Variants in DLG2 observed in about 807,000 individuals in gnomAD.
DLG2 encodes the protein disks large homolog 2.
In DLG2, 45 loss-of-function variants were observed where a neutral mutation model predicts 132.5. The observed-to-expected ratio is 0.34, with a 90% CI of 0.27 to 0.44. The LOEUF is 0.44. Ranked by LOEUF, DLG2 falls within the 20% of genes least tolerant of loss-of-function variation. The pLI is 1.00. For synonymous variants in DLG2, 424 were observed against 419.6 expected, an observed-to-expected ratio of 1.01 and a Z score of -0.13; for missense variants, 1,045 against 1,196.9, an observed-to-expected ratio of 0.87 and a Z score of 1.87.
chr11:83,599,988 G>A (rs2153368773), intron 19 of DLG2, among the ~76,000 whole-genome samples: 1 of 152,272 alleles, frequency 6.6e-6, no homozygotes, highest in East Asian at 1.9e-4. Flanking sequence ...CCTTGAGATT[G>A]TTAGATAAAT....
chr11:84,079,083 G>C (rs1297486627), intron 10 of DLG2, among the ~76,000 whole-genome samples: 1 of 152,160 alleles, frequency 6.6e-6, no homozygotes, highest in Non-Finnish European at 1.5e-5. Context: ...CCAGGACAAA[G>C]AGGACACAGA....
At chr11:84,099,676 C>G (rs12363188) in intron 9 of DLG2, among the ~76,000 whole-genome samples, 132,002 of 150,350 alleles carry the variant, frequency 0.88, 58,202 homozygotes, top group Middle Eastern at 0.95. Context: ...TGAGTAGCTT[C>G]TATTCTAATA....
chr11:84,162,773 T>C (rs866239725), intron 9 of DLG2, among the ~76,000 whole-genome samples: 5 of 152,326 alleles, frequency 3.3e-5, no homozygotes, highest in African/African-American at 9.6e-5. Flanking sequence ...TTTGCTCTCA[T>C]TGTCTTCCTT....
intron 3 of DLG2, among the ~76,000 whole-genome samples, chr11:85,503,859 G>C (rs1312815935): frequency 2.0e-5 from 3 of 152,062 alleles, no homozygotes; most frequent in African/African-American, 4.8e-5. Flanking sequence ...TTGAGCCCTG[G>C]AGATTGAGGC....
At chr11:84,870,147 T>G (rs2085249222) in intron 6 of DLG2, among the ~76,000 whole-genome samples, 1 of 152,206 alleles carries the variant, frequency 6.6e-6, no homozygotes, top group Non-Finnish European at 1.5e-5. Context: ...ATATATGCCA[T>G]CAAGGTGGAC....
intron 11 of DLG2, among the ~76,000 whole-genome samples, chr11:83,996,122 C>T (rs2094006606): frequency 6.6e-6 from 1 of 151,890 alleles, no homozygotes; most frequent in African/African-American, 2.4e-5. Flanking sequence ...TCAAACAACT[C>T]TAAGAAAAAA....
chr11:83,592,412 A>C (rs1441882974), intron 19 of DLG2, among the ~76,000 whole-genome samples: 30 of 148,868 alleles, frequency 2.0e-4, no homozygotes, highest in Admixed American at 1.9e-3. Context: ...CTATTTAATA[A>C]ATGGTGCTGG....
At chr11:84,098,861 A>C in intron 10 of DLG2, 62 bp downstream of exon 10, 1 of 1,562,756 alleles carries the variant, frequency 6.4e-7, no homozygotes. Flanking sequence ...CAAAGGTACA[A>C]ATGTGTCTCA....
At chr11:83,826,359 T>C (rs1023275350) in intron 17 of DLG2, among the ~76,000 whole-genome samples, 10 of 152,192 alleles carry the variant, frequency 6.6e-5, no homozygotes, top group Admixed American at 2.6e-4. Context: ...AAGCCATATC[T>C]GTTTTCATTT....
intron 18 of DLG2, among the ~76,000 whole-genome samples, chr11:83,699,222 A>G (rs1489106393): frequency 6.6e-6 from 1 of 152,140 alleles, no homozygotes; most frequent in Non-Finnish European, 1.5e-5. Context: ...AACAAAGCAC[A>G]TCAACCTGCT....
intron 7 of DLG2, among the ~76,000 whole-genome samples, chr11:84,499,065 A>G (rs1473088260): frequency 6.6e-6 from 1 of 152,216 alleles, no homozygotes; most frequent in Non-Finnish European, 1.5e-5. Context: ...AACTTGTTTA[A>G]ACATAAAGGA....
At chr11:84,218,843 T>C (rs1472416667) in intron 8 of DLG2, among the ~76,000 whole-genome samples, 1 of 152,186 alleles carries the variant, frequency 6.6e-6, no homozygotes, top group Non-Finnish European at 1.5e-5. Context: ...CATTCTACAG[T>C]GCATAGAACA....
chr11:84,338,092 A>G (rs1600165696), intron 7 of DLG2, among the ~76,000 whole-genome samples: 1 of 152,258 alleles, frequency 6.6e-6, no homozygotes, highest in East Asian at 1.9e-4. Flanking sequence ...CCAAAAAAAA[A>G]TAAGAGAGAT....
intron 22 of DLG2, among the ~76,000 whole-genome samples, chr11:83,477,714 C>T (rs1264298317): frequency 6.6e-6 from 1 of 151,126 alleles, no homozygotes; most frequent in East Asian, 1.9e-4. Context: ...CAGTGAAATA[C>T]AACACCTGGA....
chr11:84,368,390 G>A (rs2098692619), intron 7 of DLG2, among the ~76,000 whole-genome samples: 1 of 151,672 alleles, frequency 6.6e-6, no homozygotes, highest in African/African-American at 2.4e-5. Context: ...TATTCTTCAT[G>A]GCTTTCTATA....
chr11:85,449,945 T>G (rs1392934694), intron 3 of DLG2, among the ~76,000 whole-genome samples: 1 of 152,042 alleles, frequency 6.6e-6, no homozygotes, highest in African/African-American at 2.4e-5. Context: ...CTGACCAACA[T>G]GGAGAAATCC....
At chr11:84,307,357 T>C (rs1433991490) in intron 7 of DLG2, among the ~76,000 whole-genome samples, 1 of 152,064 alleles carries the variant, frequency 6.6e-6, no homozygotes, top group South Asian at 2.1e-4. Flanking sequence ...GGGTGGATGG[T>C]GAGAAGAAGG....
At chr11:85,377,193 G>T (rs2085477105) in intron 3 of DLG2, among the ~76,000 whole-genome samples, 1 of 152,100 alleles carries the variant, frequency 6.6e-6, no homozygotes, top group South Asian at 2.1e-4. Context: ...TTTGAAGATG[G>T]CTTTAAAATA....
intron 6 of DLG2, among the ~76,000 whole-genome samples, chr11:84,764,425 C>T (rs2068094881): frequency 1.3e-5 from 2 of 152,106 alleles, no homozygotes; most frequent in African/African-American, 2.4e-5. Flanking sequence ...TTTTGACGCA[C>T]CTAACAATGA....
Sources: gnomAD v4.1 joint callset for allele counts (sites outside exome capture counted in the v4.1 genomes callset) on GRCh38, gnomAD v4.1.1 for gene constraint, MANE v1.5 for transcripts, NCBI Gene and HGNC (gene_info 2026-07-23, HGNC 2026-07-21) for gene names.